BRD9: variants seen among roughly 807,000 people sequenced by gnomAD.
BRD9 encodes bromodomain containing 9.
In BRD9, 47 loss-of-function variants were observed where a neutral mutation model predicts 68.7. The ratio of observed to expected loss-of-function variants is 0.68; its 90% CI spans 0.54 to 0.87. The LOEUF (loss-of-function observed/expected upper bound fraction) is 0.87, where lower values mean the gene tolerates loss of function less well. Among genes scored for constraint, BRD9 ranks in the 40% least tolerant of loss-of-function variants. BRD9 has a pLI of 0.00. For synonymous variants in BRD9, 313 were observed against 293.9 expected (o/e 1.06, Z -0.67); for missense variants, 670 against 748.4 (o/e 0.90, Z 1.22).
Position 889,626 on chromosome 5 carries a change from A to G in BRD9, c.422T>C (p.Ile141Thr), listed in dbSNP as rs991315273. The G allele has an allele frequency of 1.2e-6, 2 of 1,613,544 alleles. No individual in the cohort carries two copies. Among genetic ancestry groups the G allele is most frequent in the Non-Finnish European group, 1.7e-6 (2 of 1,179,744 alleles). ...TQPAENESTP[I>T]QQLLEHFLRQ... ...GAGGAAGTGTTCCAGGAGTTGCTGA[A>G]TAGGTGTGCTCTCATTTTCGGCTGA... is the stretch of plus-strand genomic sequence containing the variant. Residue 141 changes from isoleucine (I) to threonine (T), a missense_variant, in exon 4 of 16, where the codon ATT becomes ACT. By Grantham distance (89) the Ile-to-Thr change is moderately conservative. This residue lies in a region of BRD9 where 94 missense variants were observed against 157.2 expected (regional missense o/e 0.60). Coordinates refer to ENST00000467963, the MANE Select transcript of BRD9 (RefSeq NM_023924.5).
At chr5:878,523 T>C in intron 10 of BRD9, 36 bp from the exon 11 acceptor site, 3 of 1,612,796 alleles carry the variant, frequency 1.9e-6, no homozygotes, top group South Asian at 2.2e-5. Context: ...CTGGACTCAC[T>C]GGAAGGACTC....
chr5:888,043 GT>G (rs1385845867), intron 5 of BRD9, among the ~76,000 whole-genome samples: 1 of 152,190 alleles, frequency 6.6e-6, no homozygotes, highest in East Asian at 1.9e-4. Context: ...CCTCTCAAAG[GT>G]GAGTACCAAC....
At chr5:871,140 T>C (rs1012154096) in intron 13 of BRD9, among the ~76,000 whole-genome samples, 1 of 152,116 alleles carries the variant, frequency 6.6e-6, no homozygotes, top group Non-Finnish European at 1.5e-5. Flanking sequence ...AATCGGCAGG[T>C]GCAGCAGTCT....
chr5:880,703 G>A (rs1259811012), intron 9 of BRD9, among the ~76,000 whole-genome samples: 2 of 152,230 alleles, frequency 1.3e-5, no homozygotes, highest in African/African-American at 2.4e-5. Context: ...CTGTCCTGAC[G>A]TCATCATCTA....
At chr5:882,518 C>T (rs1751927804) in intron 8 of BRD9, 2 of 163,584 alleles carry the variant, frequency 1.2e-5, no homozygotes, top group African/African-American at 4.8e-5. Context: ...CCACAACCCC[C>T]CAACACGCAA....
chr5:888,878 C>T, intron 5 of BRD9, 143 bp downstream of exon 5: 1 of 837,968 alleles, frequency 1.2e-6, no homozygotes, highest in Non-Finnish European at 1.8e-6. Flanking sequence ...TTCCTTAATG[C>T]TGTGTCTGTA....
chr5:868,991 T>C, intron 14 of BRD9: 1 of 222,430 alleles, frequency 4.5e-6, no homozygotes. Flanking sequence ...CCCCACCGGC[T>C]GATGCCAACT....
chr5:892,026 C>T lies in BRD9; in HGVS notation c.53-172G>A, dbSNP rs1389433604. ...CACAGTGGCGGCATGTCACTGCCTC[C>T]TTGTTCTCCCTTCCCCTCCGCAGGG... is the stretch of plus-strand genomic sequence containing the variant. On this transcript the variant is annotated intron_variant, in intron 1 of 15. Coordinates refer to ENST00000467963, the MANE Select transcript of BRD9 (RefSeq NM_023924.5). 5 of 1,064,786 alleles carry T rather than the reference C, an allele frequency of 4.7e-6. No individual in the cohort carries two copies. The Admixed American group carries it at 1.1e-4, about 24-fold the overall frequency. The allele number at this position is 1,064,786 out of a possible 1,614,324, so 66.0% of individuals were successfully genotyped here. A position where few individuals can be genotyped will look rare whatever the true frequency, so the allele number is the denominator to read the frequency against.
chr5:870,399 G>T, intron 14 of BRD9, 74 bp downstream of exon 14: 1 of 1,126,148 alleles, frequency 8.9e-7, no homozygotes, highest in Non-Finnish European at 1.4e-6. Context: ...AGGGAGAGGA[G>T]GTGGAGGCCG....
rs557966377 is a variant in BRD9, at chr5:889,686, T to G, written c.401-39A>C. The G allele has an allele frequency of 2.5e-6, 4 of 1,605,740 alleles. No individual in the cohort carries two copies. In the East Asian group the frequency reaches 9.0e-5, roughly 36 times the overall value. ...GAAAAAAAAATTGAATACAAGACTTTGGTATCCCTTCATTAGAGAGCTCCA... is the reference window on the plus strand; with the variant it reads ...GAAAAAAAAATTGAATACAAGACTTGGGTATCCCTTCATTAGAGAGCTCCA... On this transcript the variant is annotated intron_variant, in intron 3 of 15. Coordinates refer to ENST00000467963, the MANE Select transcript of BRD9 (RefSeq NM_023924.5).
In BRD9 at chr5:864,229, CAG is replaced by C; in HGVS notation, c.*237_*238del. ...TCCTCAGGGTTCACGGGGCTGTGTA[CAG>C]AGACTCTCTCTGCTGACACGATGGC... On this transcript the variant is annotated 3_prime_UTR_variant, in exon 16 of 16. Transcript: ENST00000467963. 2.6e-6 allele frequency: 1 copy of C among 382,806 alleles called. No individual in the cohort carries two copies. The highest frequency in any genetic ancestry group is 7.9e-4 in the Middle Eastern group (1 of 1,262). 23.7% of individuals were successfully genotyped at this position (382,806 alleles called of 1,614,324 possible). A position where few individuals can be genotyped will look rare whatever the true frequency, so the allele number is the denominator to read the frequency against.
At chr5:892,227 T>C (rs1638611456) in intron 1 of BRD9, 2 of 437,632 alleles carry the variant, frequency 4.6e-6, no homozygotes, top group African/African-American at 4.1e-5. Flanking sequence ...CAGGCGCCCG[T>C]GCTGCCCGCT....
chr5:875,750 T>C (rs956160991), intron 12 of BRD9, among the ~76,000 whole-genome samples: 19 of 152,060 alleles, frequency 1.2e-4, no homozygotes, highest in African/African-American at 4.1e-4. Flanking sequence ...ATTTCAAAAA[T>C]GAAGATGAAA....
chr5:870,350 G>C, intron 14 of BRD9, 123 bp downstream of exon 14: 1 of 742,242 alleles, frequency 1.3e-6, no homozygotes, highest in East Asian at 2.7e-5. Context: ...ACCAAATACC[G>C]TAACAAAAGA....
intron 8 of BRD9, chr5:883,444 ACGTCTC>A (rs1752091895): frequency 2.2e-6 from 1 of 456,648 alleles, no homozygotes; most frequent in Non-Finnish European, 4.4e-6. Context: ...TGGGTCTAGA[ACGTCTC>A]CTGCCAGAAA....
chr5:865,656 C>T, intron 14 of BRD9, 75 bp from the exon 15 acceptor site: 1 of 1,453,876 alleles, frequency 6.9e-7, no homozygotes, highest in Non-Finnish European at 9.3e-7. Context: ...GAGCACACTG[C>T]CCATCCAGAC....
Position 878,402 on chromosome 5 carries a change from C to T in BRD9, c.1224G>A (p.Leu408=), listed in dbSNP as rs752346504. The T allele has an allele frequency of 3.7e-6, 6 of 1,614,142 alleles. No individual in the cohort carries two copies. The highest frequency in any genetic ancestry group is 3.3e-5 in the Admixed American group (2 of 60,018). Residue 408 remains leucine (L), a synonymous_variant, in exon 11 of 16, where the codon CTG becomes CTA. Transcript: ENST00000467963. ...TCTCATCTCCGTAGGCTGAGTAGAG[C>T]AGCTCCATCTCGTCCGACTTCAAGT... ...FGDLKSDEME[L]LYSAYGDETG... is the part of the protein sequence containing the mutation.
At chr5:871,329 G>T (rs1031914547) in intron 13 of BRD9, among the ~76,000 whole-genome samples, 197 bp downstream of exon 13, 1 of 152,238 alleles carries the variant, frequency 6.6e-6, no homozygotes, top group Non-Finnish European at 1.5e-5. Flanking sequence ...TCTGGATTTG[G>T]AAGAATGTAC....
In BRD9 at chr5:891,540, C is replaced by T; in HGVS notation, c.267+100G>A. The T allele has an allele frequency of 2.7e-6, 4 of 1,478,294 alleles. No individual in the cohort carries two copies. The East Asian group carries it at 9.8e-5, about 36-fold the overall frequency. 91.6% of individuals were successfully genotyped at this position (1,478,294 alleles called of 1,614,324 possible). On this transcript the variant is annotated intron_variant, in intron 2 of 15. Coordinates refer to ENST00000467963, the MANE Select transcript of BRD9 (RefSeq NM_023924.5). ...TGCTACCAACGGAACACCCCCTCCC[C>T]TCCTCCAGCCACGCAGGCGCACTCT...
Sources: gnomAD v4.1 joint callset for allele counts (sites outside exome capture counted in the v4.1 genomes callset) on GRCh38, gnomAD v4.1.1 for gene constraint, gnomAD v4.1.1 regional missense constraint, MANE v1.5 for transcripts, NCBI Gene and HGNC (gene_info 2026-07-23, HGNC 2026-07-21) for gene names.